Variants in TLK1 observed in about 807,000 individuals in gnomAD.
The protein encoded by TLK1 is serine/threonine-protein kinase tousled-like 1.
TLK1 carries 24 observed loss-of-function variants against 105.3 expected under a neutral mutation model. The observed-to-expected ratio is 0.23, with a 90% CI of 0.17 to 0.32. The LOEUF is 0.32. Among genes scored for constraint, TLK1 ranks in the 10% least tolerant of loss-of-function variants. The pLI, the probability that TLK1 is intolerant of heterozygous loss-of-function variation, is 1.00. For missense variants in TLK1, 558 were observed against 910.5 expected, an observed-to-expected ratio of 0.61 and a Z score of 4.98; for synonymous variants, 321 against 310.4, an observed-to-expected ratio of 1.03 and a Z score of -0.36.
rs1218525046 is a variant in TLK1, at chr2:171,046,382, T to C, written c.981-20A>G. The C allele has an allele frequency of 6.4e-7, 1 of 1,570,790 alleles. No homozygotes were observed. Among genetic ancestry groups the C allele is most frequent in the Admixed American group, 2.0e-5 (1 of 50,602 alleles). ...TGTTGCCTGTGTAAAAATAAACAAATAAAACCATATTAACCTTCCATTACT... is the reference window on the plus strand; with the variant it reads ...TGTTGCCTGTGTAAAAATAAACAAACAAAACCATATTAACCTTCCATTACT... On this transcript the variant is annotated intron_variant, in intron 10 of 20. Transcript: ENST00000431350.
At chr2:171,002,023 C>T (rs1490532965) in intron 18 of TLK1, among the ~76,000 whole-genome samples, 3 of 151,914 alleles carry the variant, frequency 2.0e-5, no homozygotes, top group Non-Finnish European at 2.9e-5. Flanking sequence ...ATGATCCGCC[C>T]GCCTGGGCCT....
intron 18 of TLK1, among the ~76,000 whole-genome samples, chr2:171,002,677 G>T (rs1005380997): frequency 1.3e-5 from 2 of 152,118 alleles, no homozygotes; most frequent in African/African-American, 2.4e-5. Context: ...CTGTTACCCA[G>T]GCTGAAGTGC....
At chr2:171,129,307 T>C (rs1691000393) in intron 1 of TLK1, among the ~76,000 whole-genome samples, 1 of 152,164 alleles carries the variant, frequency 6.6e-6, no homozygotes, top group African/African-American at 2.4e-5. Flanking sequence ...TAACCAATTG[T>C]TATGAACCTT....
chr2:171,119,632 A>G (rs991893013), intron 1 of TLK1, among the ~76,000 whole-genome samples: 2 of 152,370 alleles, frequency 1.3e-5, no homozygotes, highest in South Asian at 4.1e-4. Context: ...AGACATATAT[A>G]TAGAGCAATG....
chr2:171,025,347 C>T (rs567081009), intron 12 of TLK1, among the ~76,000 whole-genome samples: 1 of 152,200 alleles, frequency 6.6e-6, no homozygotes, highest in Non-Finnish European at 1.5e-5. Context: ...TCTTTCTATT[C>T]TCCTATGTCC....
At chr2:171,070,648 T>C (rs1688209085) in intron 3 of TLK1, among the ~76,000 whole-genome samples, 2 of 152,214 alleles carry the variant, frequency 1.3e-5, no homozygotes, top group South Asian at 2.1e-4. Flanking sequence ...TGTGCGTATG[T>C]ACCACATTTT....
chr2:171,143,616 G>C (rs1172065307), intron 1 of TLK1, among the ~76,000 whole-genome samples: 1 of 141,382 alleles, frequency 7.1e-6, no homozygotes, highest in Non-Finnish European at 1.5e-5. Flanking sequence ...TATATTGCAA[G>C]AATTAATGTA....
At chr2:171,016,655 T>C (rs528275816) in intron 12 of TLK1, among the ~76,000 whole-genome samples, 191 of 152,266 alleles carry the variant, frequency 1.3e-3, no homozygotes, top group African/African-American at 4.5e-3. Flanking sequence ...ACTTTGAAAA[T>C]ATAAATATTA....
chr2:171,126,343 TCTCC>T (rs1690867217), intron 1 of TLK1, among the ~76,000 whole-genome samples: 1 of 152,120 alleles, frequency 6.6e-6, no homozygotes, highest in African/African-American at 2.4e-5. Flanking sequence ...GTTTTCTCTC[TCTCC>T]CTGTCTTTAA....
At chr2:171,194,467 G>A (rs1693221103) in intron 1 of TLK1, among the ~76,000 whole-genome samples, 1 of 152,132 alleles carries the variant, frequency 6.6e-6, no homozygotes, top group African/African-American at 2.4e-5. Context: ...ACAAAGTAAA[G>A]CTTTGGGGGT....
intron 11 of TLK1, among the ~76,000 whole-genome samples, chr2:171,032,581 AG>A (rs2105399823): frequency 6.6e-6 from 1 of 152,336 alleles, no homozygotes; most frequent in East Asian, 1.9e-4. Flanking sequence ...AATATTGCTA[AG>A]GAGTTCAAAA....
chr2:171,120,710 C>A (rs1351590424), intron 1 of TLK1, among the ~76,000 whole-genome samples: 1 of 152,120 alleles, frequency 6.6e-6, no homozygotes, highest in African/African-American at 2.4e-5. Flanking sequence ...TAAAATGGTG[C>A]GGCCACTGTG....
intron 3 of TLK1, among the ~76,000 whole-genome samples, chr2:171,068,023 T>G (rs1044772375): frequency 6.6e-6 from 1 of 152,036 alleles, no homozygotes; most frequent in Non-Finnish European, 1.5e-5. Context: ...AAAGTGATCT[T>G]TTTTTCCTGA....
At chr2:171,195,991 T>C (rs1179002299) in intron 1 of TLK1, among the ~76,000 whole-genome samples, 3 of 137,108 alleles carry the variant, frequency 2.2e-5, no homozygotes, top group African/African-American at 8.2e-5. Flanking sequence ...TGGGCTGAGA[T>C]TGCACCAGTG....
chr2:171,083,932 A>C (rs1031869704), intron 2 of TLK1, among the ~76,000 whole-genome samples: 3 of 152,188 alleles, frequency 2.0e-5, no homozygotes, highest in African/African-American at 7.2e-5. Flanking sequence ...AATACATTAG[A>C]AAGATTCTGG....
intron 1 of TLK1, among the ~76,000 whole-genome samples, chr2:171,120,490 C>T (rs1487356145): frequency 6.6e-6 from 1 of 151,882 alleles, no homozygotes; most frequent in East Asian, 1.9e-4. Flanking sequence ...GACTGGAATA[C>T]AAATTTTTCC....
At chr2:171,112,610 T>C (rs940514646) in intron 2 of TLK1, among the ~76,000 whole-genome samples, 1 of 151,986 alleles carries the variant, frequency 6.6e-6, no homozygotes, top group Admixed American at 6.6e-5. Flanking sequence ...AAGGAAAAAA[T>C]ATGTATTTAA....
At chr2:171,195,434 C>T (rs990797981) in intron 1 of TLK1, among the ~76,000 whole-genome samples, 4 of 138,356 alleles carry the variant, frequency 2.9e-5, no homozygotes, top group Admixed American at 7.9e-5. Flanking sequence ...ACCTGGGAGG[C>T]GGAGCTTGCA....
chr2:171,092,565 A>T (rs1689283346), intron 2 of TLK1, among the ~76,000 whole-genome samples: 1 of 152,228 alleles, frequency 6.6e-6, no homozygotes, highest in South Asian at 2.1e-4. Context: ...CTGTGCCAAT[A>T]GATTTAATTA....
Sources: gnomAD v4.1 joint callset for allele counts (sites outside exome capture counted in the v4.1 genomes callset) on GRCh38, gnomAD v4.1.1 for gene constraint, MANE v1.5 for transcripts, NCBI Gene and HGNC (gene_info 2026-07-23, HGNC 2026-07-21) for gene names.